Variants in CYRIB observed in about 807,000 individuals in gnomAD.
The protein encoded by CYRIB is CYFIP-related Rac1 interactor B.
In CYRIB, 8 loss-of-function variants were observed where a neutral mutation model predicts 44.2. That is an observed-to-expected ratio of 0.18 (90% confidence interval 0.11 to 0.33). The LOEUF is 0.33. Among genes scored for constraint, CYRIB ranks in the 10% least tolerant of loss-of-function variants. CYRIB has a pLI of 1.00. For missense variants in CYRIB, 185 were observed against 382.8 expected, an observed-to-expected ratio of 0.48 and a Z score of 4.31; for synonymous variants, 131 against 127.2, an observed-to-expected ratio of 1.03 and a Z score of -0.20.
chr8:129,899,235 T>TCC (rs1338384130), intron 2 of CYRIB, among the ~76,000 whole-genome samples: 4 of 152,012 alleles, frequency 2.6e-5, no homozygotes, highest in Non-Finnish European at 5.9e-5. Context: ...CAGAAAGAGA[T>TCC]CCCCCTCAGT....
intron 1 of CYRIB, among the ~76,000 whole-genome samples, chr8:129,926,033 T>C (rs1056722195): frequency 3.3e-5 from 5 of 152,252 alleles, no homozygotes; most frequent in African/African-American, 1.2e-4. Flanking sequence ...CGATCCATTT[T>C]CTGGCTCTCT....
chr8:129,976,869 T>C (rs1198361824), intron 1 of CYRIB, among the ~76,000 whole-genome samples: 2 of 151,764 alleles, frequency 1.3e-5, no homozygotes, highest in Non-Finnish European at 2.9e-5. Flanking sequence ...AGACAAAGAG[T>C]CTGGCTCTGT....
At chr8:130,008,287 T>G (rs1416562304) in intron 1 of CYRIB, 1 of 154,004 alleles carries the variant, frequency 6.5e-6, no homozygotes, top group Admixed American at 6.6e-5. Context: ...GTGACCTCAC[T>G]CCCTAGCTCC....
chr8:129,902,120 T>C (rs190200891), intron 2 of CYRIB, among the ~76,000 whole-genome samples: 5 of 152,274 alleles, frequency 3.3e-5, no homozygotes, highest in East Asian at 3.9e-4. Flanking sequence ...AACTGTAAAA[T>C]ACAGAGTAAG....
chr8:129,993,820 C>A (rs1203636874), intron 1 of CYRIB, among the ~76,000 whole-genome samples: 2 of 151,812 alleles, frequency 1.3e-5, no homozygotes, highest in Non-Finnish European at 2.9e-5. Flanking sequence ...TGAGACCGCA[C>A]CACTGCACTC....
At chr8:129,925,069 T>C (rs1007951881) in intron 1 of CYRIB, among the ~76,000 whole-genome samples, 2 of 152,210 alleles carry the variant, frequency 1.3e-5, no homozygotes, top group Admixed American at 6.5e-5. Context: ...GGGGCAATTA[T>C]GTGCTATCAG....
chr8:129,926,504 G>A (rs1248043331), intron 1 of CYRIB, among the ~76,000 whole-genome samples: 2 of 152,062 alleles, frequency 1.3e-5, no homozygotes, highest in African/African-American at 4.8e-5. Flanking sequence ...GTCTCCTAGA[G>A]CTGTTACATC....
chr8:129,874,021 G>C (rs1301717157), intron 3 of CYRIB, among the ~76,000 whole-genome samples: 4 of 151,868 alleles, frequency 2.6e-5, no homozygotes, highest in African/African-American at 9.7e-5. Context: ...CATGCAAAAG[G>C]GTGAAATACT....
chr8:129,957,683 T>C (rs865776159), intron 2 of CYRIB, among the ~76,000 whole-genome samples: 7 of 152,006 alleles, frequency 4.6e-5, no homozygotes, highest in Middle Eastern at 6.8e-3. Flanking sequence ...ATAAAAAAAA[T>C]TGGCCGGCGT....
At chr8:129,869,318 G>A (rs1366317799) in intron 4 of CYRIB, among the ~76,000 whole-genome samples, 1 of 149,466 alleles carries the variant, frequency 6.7e-6, no homozygotes, top group Admixed American at 6.7e-5. Flanking sequence ...GGGAGGTGGA[G>A]GTTGCTGAGC....
intron 1 of CYRIB, among the ~76,000 whole-genome samples, chr8:129,988,778 G>T (rs893444865): frequency 2.1e-4 from 31 of 148,616 alleles, no homozygotes; most frequent in African/African-American, 5.4e-4. Context: ...GGCGGGTGGG[G>T]TTTTTTTTTC....
chr8:129,939,287 C>T (rs1157229482), intron 1 of CYRIB, among the ~76,000 whole-genome samples: 1 of 145,856 alleles, frequency 6.9e-6, no homozygotes, highest in Non-Finnish European at 1.5e-5. Flanking sequence ...GCCAACGAGC[C>T]AGGAGTCACT....
rs373047457 is a variant in CYRIB at position 129,966,603 on chromosome 8, C to T, written c.-243+4340G>A. ...AAAGGCCAGGCGCAGTGGCTCATGC[C>T]TGTAATCCTAGCACTTTGGGAGGCC... On this transcript the variant is annotated intron_variant, in intron 2 of 14. Transcript: ENST00000401979. Among the ~76,000 whole-genome samples, 42 of 152,356 alleles carry T rather than the reference C, an allele frequency of 2.8e-4. No homozygotes were observed. The East Asian group carries it at 4.4e-3, about 16-fold the overall frequency.
intron 2 of CYRIB, among the ~76,000 whole-genome samples, chr8:129,953,128 T>C (rs1278096789): frequency 1.2e-4 from 19 of 152,108 alleles, no homozygotes; most frequent in Admixed American, 1.2e-3. Flanking sequence ...GAAACAGACT[T>C]GTCTTCTAGG....
At position 129,986,300 on chromosome 8, in the gene CYRIB, G is replaced by A. The variant is rs554684028; in HGVS notation, c.-295-15305C>T. Among the ~76,000 whole-genome samples the A allele has an allele frequency of 2.0e-3, 305 of 152,252 alleles. 4 individuals carry two copies. The highest frequency in any genetic ancestry group is 6.9e-3 in the African/African-American group (288 of 41,540). On this transcript the variant is annotated intron_variant, in intron 1 of 14. Transcript: ENST00000401979. ...CAAGTCGTAGTTCAGTGGCCCCGAG[G>A]ACAGGCCCCAGAACTGCCCACACCT... is the stretch of plus-strand genomic sequence containing the variant.
intron 1 of CYRIB, among the ~76,000 whole-genome samples, chr8:129,939,324 G>A (rs1287192273): frequency 4.6e-5 from 7 of 151,910 alleles, no homozygotes; most frequent in Admixed American, 4.6e-4. Context: ...GGGGTGGGAG[G>A]GGGCGGCGAG....
At position 129,991,968 on chromosome 8, in the gene CYRIB, A is replaced by G. The variant is rs2894503; in HGVS notation, c.-295-20973T>C. The stretch of plus-strand genomic sequence containing the variant: ...CAAAAAAAAAAAAAAAAAAAAAAAA[A>G]AAAACAATAGGAAGCTATTAAGGGT... On this transcript the variant is annotated intron_variant, in intron 1 of 14. Coordinates refer to the CYRIB transcript ENST00000401979. 8.8e-4 allele frequency among the ~76,000 whole-genome samples: 123 copies of G among 139,916 alleles called. 5 individuals are homozygous for G. The highest frequency in any genetic ancestry group is 2.6e-3 in the South Asian group (10 of 3,854). 91.8% of individuals were successfully genotyped at this position (139,916 alleles called of 152,430 possible).
chr8:129,846,994 C>A, intron 10 of CYRIB, 120 bp from the exon 13 acceptor site: 1 of 564,920 alleles, frequency 1.8e-6, no homozygotes, highest in South Asian at 2.6e-5. Flanking sequence ...CATACTATGT[C>A]AAATTAATTA....
intron 5 of CYRIB, among the ~76,000 whole-genome samples, chr8:129,861,766 A>G (rs2132279632): frequency 1.3e-5 from 2 of 152,220 alleles, no homozygotes; most frequent in Middle Eastern, 6.8e-3. Context: ...CTCATCTTCT[A>G]CAGTTTTAGA....
Sources: gnomAD v4.1 joint callset for allele counts (sites outside exome capture counted in the v4.1 genomes callset) on GRCh38, gnomAD v4.1.1 for gene constraint, MANE v1.5 for transcripts, NCBI Gene and HGNC (gene_info 2026-07-23, HGNC 2026-07-21) for gene names.